PHEX: variants seen among roughly 807,000 people sequenced by gnomAD.
PHEX encodes the protein phosphate-regulating neutral endopeptidase PHEX.
Under a neutral mutation model 68.0 loss-of-function variants are expected in PHEX, and 16 were observed. That is an observed-to-expected ratio of 0.24 (90% CI 0.16 to 0.36). The LOEUF is 0.36. PHEX is among the 10% of genes least tolerant of loss of function. PHEX has a pLI of 1.00. For synonymous variants in PHEX, 208 were observed against 205.1 expected, an observed-to-expected ratio of 1.01 and a Z score of -0.12; for missense variants, 480 against 575.5, an observed-to-expected ratio of 0.83 and a Z score of 1.70.
intron 12 of PHEX, 95 bp from the exon 13 acceptor site, chrX:22,168,217 G>A: frequency 3.1e-6 from 2 of 650,157 alleles, no homozygotes. Context: ...TCAGTAAATG[G>A]AGTTTTCAGA....
chrX:22,077,376 G>A (rs999045469), intron 4 of PHEX, 100 bp from the exon 5 acceptor site: 1 of 735,617 alleles, frequency 1.4e-6, no homozygotes, highest in African/African-American at 2.1e-5. Flanking sequence ...TTTTAAGTTG[G>A]AGCATTATGG....
chrX:22,212,785 CA>C, intron 15 of PHEX, 118 bp from the exon 16 acceptor site: 1 of 573,673 alleles, frequency 1.7e-6, no homozygotes, highest in Non-Finnish European at 3.2e-6. Flanking sequence ...AGAGGGCTCC[CA>C]GTGCCAGGAG....
chrX:22,038,164 C>T (rs968841786), intron 1 of PHEX, among the ~76,000 whole-genome samples: 1 of 110,431 alleles, frequency 9.1e-6, no homozygotes, highest in Non-Finnish European at 1.9e-5. Context: ...TAACAAGCTT[C>T]CAGGTGCAGC....
chrX:22,173,606 A>T (rs760338331), intron 13 of PHEX, among the ~76,000 whole-genome samples: 1 of 110,870 alleles, frequency 9.0e-6, no homozygotes, highest in African/African-American at 3.3e-5. Context: ...GTATAGACAC[A>T]CATTACTTTT....
intron 3 of PHEX, among the ~76,000 whole-genome samples, chrX:22,051,189 T>C (rs1419301876): frequency 8.9e-6 from 1 of 112,097 alleles, no homozygotes; most frequent in East Asian, 2.8e-4. Context: ...GGAGAGCAAA[T>C]GGTGGAAAAG....
intron 1 of PHEX, 74 bp from the exon 2 acceptor site, chrX:22,038,395 G>A (rs1001667690): frequency 6.2e-6 from 4 of 644,130 alleles, no homozygotes; most frequent in African/African-American, 4.3e-5. Flanking sequence ...AATATCTTGC[G>A]TATGTTTCCG....
intron 5 of PHEX, among the ~76,000 whole-genome samples, chrX:22,089,426 G>GT (rs1281403597): frequency 3.8e-4 from 34 of 90,248 alleles, no homozygotes; most frequent in African/African-American, 9.7e-4. Flanking sequence ...TGTTTTTTTT[G>GT]TTTTTTTTTC....
Position 22,054,191 on chromosome X carries a change from G to A in PHEX, c.349+6980G>A, listed in dbSNP as rs1167391404. Among the ~76,000 whole-genome samples, 3 of 111,602 alleles carry A rather than the reference G, an allele frequency of 2.7e-5. 1 individual carries two copies. The highest frequency in any genetic ancestry group is 9.8e-5 in the African/African-American group (3 of 30,712). On this transcript the variant is annotated intron_variant, in intron 3 of 21. Transcript: ENST00000379374. ...CTCTTGTTGCCCAGGCTGGAGTACA[G>A]TGGCACCATCTCACCTCACTGCAAC...
intron 12 of PHEX, among the ~76,000 whole-genome samples, chrX:22,159,462 G>A (rs1388224610): frequency 9.0e-6 from 1 of 111,552 alleles, no homozygotes; most frequent in African/African-American, 3.3e-5. Flanking sequence ...TCTGGGCAAC[G>A]TAGTGAGACC....
Position 22,099,066 on chromosome X carries a change from G to C in PHEX, c.994G>C (p.Asp332His), listed in dbSNP as rs1400973667. 2.5e-6 allele frequency: 3 copies of C among 1,205,602 alleles called. No homozygotes were observed. The African/African-American group carries it at 5.3e-5, about 21-fold the overall frequency. The change falls in exon 9 of 22, where the codon GAC becomes CAC. Residue 332 changes from aspartate (D) to histidine (H), a missense_variant. Physicochemically the swap from Asp to His is moderately conservative, Grantham distance 81. Transcript: ENST00000379374. Reference protein sequence around the residue: ...IDTRLYPHLKDISPSENVVVR... With the variant: ...IDTRLYPHLKHISPSENVVVR... ...CACCAGACTCTACCCCCATCTGAAA[G>C]ACATCAGCCCCTCCGAGAATGTGGT...
intron 11 of PHEX, among the ~76,000 whole-genome samples, chrX:22,131,691 T>C (rs903334168): frequency 3.5e-5 from 4 of 112,993 alleles, no homozygotes; most frequent in African/African-American, 1.3e-4. Flanking sequence ...CAATTTATTA[T>C]AGAACCAAGG....
At chrX:22,177,508 T>G (rs906594631) in intron 13 of PHEX, among the ~76,000 whole-genome samples, 7 of 111,550 alleles carry the variant, frequency 6.3e-5, no homozygotes, top group Admixed American at 9.5e-5. Flanking sequence ...GCCTATAGAA[T>G]GGAAACCGTC....
chrX:22,195,645 G>A (rs1934344336), intron 15 of PHEX, among the ~76,000 whole-genome samples: 1 of 110,823 alleles, frequency 9.0e-6, no homozygotes, highest in Non-Finnish European at 1.9e-5. Context: ...TAATATGTAT[G>A]CATGCAACTG....
At chrX:22,072,530 C>G (rs1285874150) in intron 3 of PHEX, among the ~76,000 whole-genome samples, 2 of 112,035 alleles carry the variant, frequency 1.8e-5, no homozygotes, top group African/African-American at 6.5e-5. Flanking sequence ...AGAAGCTGAA[C>G]TAAAATAATT....
intron 1 of PHEX, among the ~76,000 whole-genome samples, chrX:22,033,711 A>G (rs1433784501): frequency 8.9e-6 from 1 of 112,165 alleles, no homozygotes; most frequent in Non-Finnish European, 1.9e-5. Context: ...GATTTGAAAG[A>G]TATTGTGATT....
rs35287011 is a variant in PHEX, at chrX:22,160,549, C to CA, written c.1405-7747dup. ...GGGCAACAAGAGTGAAACTCCGTCT[C>CA]AAAAAAAAAAAAAAAAGAAAAGAAA... is the stretch of plus-strand genomic sequence containing the variant. On this transcript the variant is annotated intron_variant, in intron 12 of 21. Transcript: ENST00000379374. 3.9e-3 allele frequency among the ~76,000 whole-genome samples: 266 copies of CA among 68,683 alleles called. 2 individuals are homozygous for CA. The highest frequency in any genetic ancestry group is 8.1e-3 in the Middle Eastern group (1 of 123). 59.6% of individuals were successfully genotyped at this position (68,683 alleles called of 115,157 possible). A position where few individuals can be genotyped will look rare whatever the true frequency, so the allele number is the denominator to read the frequency against.
intron 21 of PHEX, among the ~76,000 whole-genome samples, chrX:22,247,303 G>A (rs1384548434): frequency 8.9e-6 from 1 of 112,273 alleles, no homozygotes; most frequent in Non-Finnish European, 1.9e-5. Context: ...ATTATATTCA[G>A]TGAAAGAAAT....
chrX:22,033,146 G>C, intron 1 of PHEX, 23 bp downstream of exon 1: 1 of 1,052,904 alleles, frequency 9.5e-7, no homozygotes, highest in East Asian at 3.0e-5. Context: ...CAGGAGGCCG[G>C]GGGAACTGGG....
Position 22,076,374 on chromosome X carries a change from C to G in PHEX, c.350-14C>G, listed in dbSNP as rs772820253. 8.4e-7 allele frequency: 1 copy of G among 1,189,131 alleles called. No individual in the cohort carries two copies. Among genetic ancestry groups the G allele is most frequent in the South Asian group, 1.8e-5 (1 of 56,369 alleles). On this transcript the variant is annotated splice_polypyrimidine_tract_variant and intron_variant, in intron 3 of 21. Transcript: ENST00000379374. ...GTGGGTGGATACTAATGAATCCTTTCTTAACCTTCCCAGAACTTTTGGAGA... is the reference window on the plus strand; with the variant it reads ...GTGGGTGGATACTAATGAATCCTTTGTTAACCTTCCCAGAACTTTTGGAGA...
Sources: gnomAD v4.1 joint callset for allele counts (sites outside exome capture counted in the v4.1 genomes callset) on GRCh38, gnomAD v4.1.1 for gene constraint, MANE v1.5 for transcripts, NCBI Gene and HGNC (gene_info 2026-07-23, HGNC 2026-07-21) for gene names.